The following ATP1B1 variants were observed in gnomAD, a reference collection of about 807,000 sequenced individuals.
ATP1B1 encodes the protein sodium/potassium-transporting ATPase subunit beta-1.
Under a neutral mutation model 39.6 loss-of-function variants are expected in ATP1B1, and 3 were observed. The ratio of observed to expected loss-of-function variants is 0.08; its 90% CI spans 0.03 to 0.20. ATP1B1 has a LOEUF of 0.20. Ranked by LOEUF, ATP1B1 falls within the 10% of genes least tolerant of loss-of-function variation. The pLI is 1.00. For missense variants in ATP1B1, 216 were observed against 371.1 expected (o/e 0.58, Z 3.43); for synonymous variants, 139 against 135.0 (o/e 1.03, Z -0.20).
chr1:169,121,889 A>G lies in ATP1B1; in HGVS notation c.227-2995A>G, dbSNP rs531113155. ...TGCATAATTGTTGTTTATCACACCA[A>G]TGTCCCTATGGTCCCCTGGCTGTGG... On this transcript the variant is annotated intron_variant, in intron 2 of 5. Transcript: ENST00000367815. Among the ~76,000 whole-genome samples, 6 of 152,214 alleles carry G rather than the reference A, an allele frequency of 3.9e-5. No homozygotes were observed. In the East Asian group the frequency reaches 5.8e-4, roughly 15 times the overall value.
At chr1:169,120,128 G>A (rs989905306) in intron 2 of ATP1B1, among the ~76,000 whole-genome samples, 1 of 152,150 alleles carries the variant, frequency 6.6e-6, no homozygotes, top group Non-Finnish European at 1.5e-5. Context: ...AAAGAAAAGA[G>A]AGGAGGCAGA....
Position 169,106,764 on chromosome 1 carries a change from GACGCCAGGGCGCGCGCCGCAGCC to G in ATP1B1, c.-63_-41del. On this transcript the variant is annotated 5_prime_UTR_variant, in exon 1 of 6. Transcript: ENST00000367815. ...GCCGGAGAAGCCGAGCGGCGCAGAG[GACGCCAGGGCGCGCGCCGCAGCC>G]ACCCACCCTCCGGACCGCGGCAGCT... 2 of 1,360,226 alleles carry G rather than the reference GACGCCAGGGCGCGCGCCGCAGCC, an allele frequency of 1.5e-6. No homozygotes were observed. The highest frequency in any genetic ancestry group is 2.0e-6 in the Non-Finnish European group (2 of 996,334). 84.3% of individuals were successfully genotyped at this position (1,360,226 alleles called of 1,614,324 possible).
At chr1:169,130,621 T>C (rs922035465) in intron 5 of ATP1B1, among the ~76,000 whole-genome samples, 1 of 151,884 alleles carries the variant, frequency 6.6e-6, no homozygotes, top group Admixed American at 6.6e-5. Flanking sequence ...ACCCTGTCTC[T>C]ACTACACATA....
At chr1:169,111,587 C>G in intron 2 of ATP1B1, 89 bp downstream of exon 2, 1 of 1,523,068 alleles carries the variant, frequency 6.6e-7, no homozygotes, top group Non-Finnish European at 8.9e-7. Context: ...GAAAATTACT[C>G]TATAATGTAG....
intron 2 of ATP1B1, among the ~76,000 whole-genome samples, chr1:169,115,372 G>A (rs1657821273): frequency 6.7e-6 from 1 of 149,690 alleles, no homozygotes; most frequent in African/African-American, 2.5e-5. Context: ...TTTTCAAGAG[G>A]GAGTCTTCTT....
In ATP1B1 at chr1:169,131,634, C is replaced by G. The variant is rs542160645; in HGVS notation, c.*79C>G. On this transcript the variant is annotated 3_prime_UTR_variant, in exon 6 of 6. Coordinates refer to ENST00000367815, the MANE Select transcript of ATP1B1 (RefSeq NM_001677.4). This position sits in a 1 kb window ranked among gnomAD's most constrained non-coding sequence, Gnocchi z 4.4. ...AAAACAAAAACCTACTAGTCTTGAA[C>G]AAACTGTCATACGTATGGGACCTAC... The G allele has an allele frequency of 3.2e-5, 48 of 1,490,824 alleles. No individual in the cohort carries two copies. Among genetic ancestry groups the G allele is most frequent in the Non-Finnish European group, 4.2e-5 (46 of 1,107,394 alleles). The allele number at this position is 1,490,824 out of a possible 1,614,324, so 92.3% of individuals were successfully genotyped here.
intron 3 of ATP1B1, among the ~76,000 whole-genome samples, chr1:169,126,323 T>C (rs918059673): frequency 1.4e-5 from 2 of 140,152 alleles, no homozygotes; most frequent in African/African-American, 5.1e-5. Flanking sequence ...CATTTGTGAA[T>C]TTAAAAACTA....
intron 4 of ATP1B1, 23 bp from the exon 5 acceptor site, chr1:169,129,987 A>T: frequency 6.2e-7 from 1 of 1,607,154 alleles, no homozygotes; most frequent in Non-Finnish European, 8.5e-7. Context: ...CAATCTACTG[A>T]TCATAATGGG....
Position 169,111,407 on chromosome 1 carries a change from C to T in ATP1B1, c.135C>T (p.Cys45=), listed in dbSNP as rs774346745. The T allele has an allele frequency of 6.2e-7, 1 of 1,614,066 alleles. No individual in the cohort carries two copies. The highest frequency in any genetic ancestry group is 2.2e-5 in the East Asian group (1 of 44,886). The change falls in exon 2 of 6, where the codon TGC becomes TGT. Residue 45 remains cysteine, a synonymous_variant. Coordinates refer to ENST00000367815, the MANE Select transcript of ATP1B1 (RefSeq NM_001677.4). ...TATTCTACGTAATATTTTATGGCTG[C>T]CTGGCTGGCATCTTCATCGGAACCA... The part of the protein sequence containing the change: ...ILLFYVIFYG[C]LAGIFIGTIQ...
At chr1:169,114,131 G>GAGGACCCTCCTTGGCATTTTTCAATGCCA (rs3835441) in intron 2 of ATP1B1, among the ~76,000 whole-genome samples, 19,233 of 147,250 alleles carry the variant, frequency 0.13, 1,409 homozygotes, top group African/African-American at 0.18. Flanking sequence ...TGTGTTGCCT[G>GAGGACCCTCCTTGGCATTTTTCAATGCCA]AGGACCCTCC....
chr1:169,112,999 C>T (rs556738111), intron 2 of ATP1B1, among the ~76,000 whole-genome samples: 7 of 151,858 alleles, frequency 4.6e-5, no homozygotes, highest in Admixed American at 6.6e-5. Flanking sequence ...TTAATTGGTG[C>T]GGATATTTTG....
In ATP1B1 at chr1:169,132,036, T is replaced by TG. The variant is rs1426571494; in HGVS notation, c.*481_*482insG. 109 of 225,134 alleles carry TG rather than the reference T, an allele frequency of 4.8e-4. No homozygotes were observed. The highest frequency in any genetic ancestry group is 2.4e-3 in the African/African-American group (73 of 30,916). 13.9% of individuals were successfully genotyped at this position (225,134 alleles called of 1,614,324 possible). On this transcript the variant is annotated 3_prime_UTR_variant, in exon 6 of 6. Transcript: ENST00000367815. Reference sequence around the variant, plus strand: ...GCATGGTAATTTTTTTTTTTTTTTTTTTTTTGTTTTTTGGCTCTTTCAAAG... The same window carrying TG: ...GCATGGTAATTTTTTTTTTTTTTTTTGTTTTTGTTTTTTGGCTCTTTCAAAG...
In ATP1B1 at chr1:169,127,445, C is replaced by A; in HGVS notation, c.567+37C>A. On this transcript the variant is annotated intron_variant, in intron 4 of 5. Transcript: ENST00000367815. ...TTTAAATGATAGAATTTAGATGAGT[C>A]ATTTACACTAAGTACTTAATTGATC... 4 of 1,565,912 alleles carry A rather than the reference C, an allele frequency of 2.6e-6. No homozygotes were observed. In the South Asian group the frequency reaches 4.7e-5, roughly 18 times the overall value.
chr1:169,119,064 C>T (rs1274957986), intron 2 of ATP1B1, among the ~76,000 whole-genome samples: 5 of 152,204 alleles, frequency 3.3e-5, no homozygotes, highest in African/African-American at 1.2e-4. Context: ...CAAGCCTTTT[C>T]CCCCTTGTGC....
chr1:169,123,292 CTCTT>C (rs1270254453), intron 2 of ATP1B1, among the ~76,000 whole-genome samples: 3 of 151,954 alleles, frequency 2.0e-5, no homozygotes, highest in Admixed American at 6.6e-5. Context: ...ATTCTCAAAT[CTCTT>C]TCTTAGAGAT....
At chr1:169,108,179 G>T (rs1352683171) in intron 1 of ATP1B1, 1 of 152,218 alleles carries the variant, frequency 6.6e-6, no homozygotes, top group Non-Finnish European at 1.5e-5. Context: ...TCAAGGTGAA[G>T]CGTCTTTCCA....
chr1:169,109,107 A>G (rs114654580), intron 1 of ATP1B1, among the ~76,000 whole-genome samples: 1 of 152,348 alleles, frequency 6.6e-6, no homozygotes, highest in African/African-American at 2.4e-5. Flanking sequence ...AAATCACAGC[A>G]TGCAAATCAC....
intron 2 of ATP1B1, among the ~76,000 whole-genome samples, chr1:169,113,984 A>T (rs533178321): frequency 6.6e-6 from 1 of 152,204 alleles, no homozygotes; most frequent in Non-Finnish European, 1.5e-5. Context: ...GGCCTTTACC[A>T]AGGGACATGA....
rs753332289 is a variant in ATP1B1, at chr1:169,106,874, C to T, written c.45C>T (p.Phe15=). The change falls in exon 1 of 6, where the codon TTC becomes TTT. Residue 15 remains phenylalanine (F), a synonymous_variant. Coordinates refer to ENST00000367815, the MANE Select transcript of ATP1B1 (RefSeq NM_001677.4). ...AGGAGGAGGGCAGCTGGAAGAAATT[C>T]ATCTGGAACTCAGAGAAGAAGGAGT... The part of the protein sequence containing the change: ...KAKEEGSWKK[F]IWNSEKKEFL... 142 of 1,585,770 alleles carry T rather than the reference C, an allele frequency of 9.0e-5. No homozygotes were observed. Among genetic ancestry groups the T allele is most frequent in the Non-Finnish European group, 1.1e-4 (134 of 1,168,476 alleles).
Sources: gnomAD v4.1 joint callset for allele counts (sites outside exome capture counted in the v4.1 genomes callset) on GRCh38, gnomAD v4.1.1 for gene constraint, Gnocchi (gnomAD v3.1) non-coding constraint, MANE v1.5 for transcripts, NCBI Gene and HGNC (gene_info 2026-07-23, HGNC 2026-07-21) for gene names.